Variants in HP observed in about 807,000 individuals in gnomAD.
HP encodes the protein haptoglobin alpha(1S)-beta.
In HP, 9 loss-of-function variants were observed where a neutral mutation model predicts 23.2. The ratio of observed to expected loss-of-function variants is 0.39; its 90% confidence interval spans 0.23 to 0.68. The LOEUF is 0.68. Among genes scored for constraint, HP ranks in the 30% least tolerant of loss-of-function variants. HP has a pLI of 0.47. For missense variants in HP, 433 were observed against 483.6 expected (o/e 0.90, Z 0.98); for synonymous variants, 155 against 183.3 (o/e 0.85, Z 1.25).
chr16:72,059,616 C>A, intron 6 of HP: 1 of 259,650 alleles, frequency 3.9e-6, no homozygotes, highest in East Asian at 9.1e-5. Context: ...TCCTTTCATT[C>A]TCAGAACAAG....
chr16:72,055,711 A>G (rs1193114396), intron 1 of HP: 1 of 244,760 alleles, frequency 4.1e-6, no homozygotes, highest in South Asian at 5.6e-5. Context: ...GTAGAGGAAT[A>G]GCACAGTAAG....
At chr16:72,055,669 A>G (rs549266545) in intron 1 of HP, 150 of 193,720 alleles carry the variant, frequency 7.7e-4, no homozygotes, top group African/African-American at 3.0e-3. Context: ...TTATATATTT[A>G]AGGAACCTTT....
chr16:72,059,759 T>A, intron 6 of HP: 1 of 394,010 alleles, frequency 2.5e-6, no homozygotes, highest in Admixed American at 4.2e-5. Flanking sequence ...AGAGAATGAA[T>A]TATTGTAGCC....
At chr16:72,059,568 ACTC>A (rs2041507430) in intron 6 of HP, 1 of 261,090 alleles carries the variant, frequency 3.8e-6, no homozygotes. Flanking sequence ...ATGGGCTGGA[ACTC>A]CTGCTTCTCG....
Position 72,057,431 on chromosome 16 carries a change from A to G in HP, c.230A>G (p.Lys77Arg). Residue 77 changes from lysine to arginine, a missense_variant, in exon 4 of 7, where the codon AAG (lysine) becomes AGG (arginine). Physicochemically the swap from Lys to Arg is conservative, Grantham distance 26. This residue lies in a region of HP where 36 missense variants were observed against 71.3 expected (regional missense o/e 0.50). Coordinates refer to ENST00000355906, the MANE Select transcript of HP (RefSeq NM_005143.5). The stretch of plus-strand genomic sequence containing the variant: ...AATGATAAGAAGCAGTGGATAAATA[A>G]GGCTGTTGGAGATAAACTTCCTGAA... ...TLNDKKQWIN[K>R]AVGDKLPECE... 2 of 1,135,994 alleles carry G rather than the reference A, an allele frequency of 1.8e-6. No homozygotes were observed. Among genetic ancestry groups the G allele is most frequent in the East Asian group, 5.5e-5 (2 of 36,128 alleles). The allele number at this position is 1,135,994 out of a possible 1,614,324, so 70.4% of individuals were successfully genotyped here. A position where few individuals can be genotyped will look rare whatever the true frequency, so the allele number is the denominator to read the frequency against.
chr16:72,060,533 CA>C lies in HP; in HGVS notation c.866del (p.Asn289IlefsTer8). On this transcript the variant is annotated frameshift_variant, in exon 7 of 7. Coordinates refer to ENST00000355906, the MANE Select transcript of HP (RefSeq NM_005143.5). LOFTEE classifies it high-confidence loss of function. ...ATGTTTCTGGCTGGGGGCGAAATGC[CA>C]ATTTTAAATTTACTGACCATCTGAA... The part of the protein sequence containing the change: ...GYVSGWGRNA[N>X]FKFTDHLKYV... 1 of 1,614,094 alleles carries C rather than the reference CA, an allele frequency of 6.2e-7. No individual in the cohort carries two copies. Among genetic ancestry groups the C allele is most frequent in the Non-Finnish European group, 8.5e-7 (1 of 1,180,030 alleles).
At chr16:72,055,993 G>A (rs2041452896) in intron 1 of HP, 168 bp from the exon 2 acceptor site, 1 of 1,227,044 alleles carries the variant, frequency 8.1e-7, no homozygotes, top group African/African-American at 1.5e-5. Context: ...CAATTTCTTG[G>A]TCCTAGCACT....
At position 72,060,780 on chromosome 16, in the gene HP, G is replaced by T. The variant is rs376612221; in HGVS notation, c.1111G>T (p.Ala371Ser). Residue 371 changes from alanine (A) to serine (S), a missense_variant, in exon 7 of 7, where the codon GCG (alanine) becomes TCG (serine). Ala to Ser is a moderately conservative substitution (Grantham distance 99, BLOSUM62 1). Transcript: ENST00000355906. ...VHDLEEDTWY[A>S]TGILSFDKSC... ...CGACCTGGAGGAGGACACCTGGTAT[G>T]CGACTGGGATCTTAAGCTTTGATAA... 6.6e-5 allele frequency: 106 copies of T among 1,614,090 alleles called. No homozygotes were observed. The highest frequency in any genetic ancestry group is 8.5e-5 in the Non-Finnish European group (100 of 1,180,044).
Position 72,058,984 on chromosome 16 carries a change from C to A in HP, c.368-130C>A, listed in dbSNP as rs528619839. The A allele has an allele frequency of 7.8e-6, 8 of 1,025,704 alleles. 1 individual carries two copies. Among genetic ancestry groups the A allele is most frequent in the South Asian group, 6.9e-5 (5 of 72,722 alleles). 63.5% of individuals were successfully genotyped at this position (1,025,704 alleles called of 1,614,324 possible). On this transcript the variant is annotated intron_variant, in intron 5 of 6. Transcript: ENST00000355906. ...TTTCCCTTCCTCCTTCTCATATACT[C>A]TCTCCTTTTCCCCTTCCTTTTTGTC...
rs776293041 is a variant in HP at position 72,060,451 on chromosome 16, G to A, written c.782G>A (p.Arg261Lys). ...AAACAGAAGGTGTCTGTTAATGAGA[G>A]AGTGATGCCCATCTGCCTACCTTCA... Reference protein sequence around the residue: ...KLKQKVSVNERVMPICLPSKD... With the variant: ...KLKQKVSVNEKVMPICLPSKD... The change falls in exon 7 of 7, where the codon AGA becomes AAA. Residue 261 changes from arginine to lysine, a missense_variant. Physicochemically the swap from Arg to Lys is conservative, Grantham distance 26. This residue lies in a region of HP where 326 missense variants were observed against 358.1 expected (regional missense o/e 0.91). Transcript: ENST00000355906. 1.2e-6 allele frequency: 2 copies of A among 1,614,200 alleles called. No individual in the cohort carries two copies. Among genetic ancestry groups the A allele is most frequent in the Non-Finnish European group, 8.5e-7 (1 of 1,180,034 alleles).
intron 1 of HP, chr16:72,054,978 T>C (rs1366562400): frequency 7.5e-6 from 4 of 530,670 alleles, no homozygotes; most frequent in African/African-American, 5.7e-5. Context: ...GATATTTTCC[T>C]CTTTAAAAAT....
rs1190393231 is a variant in HP at position 72,056,847 on chromosome 16, C to T, written c.190+216C>T. Reference sequence around the variant, plus strand: ...AGTTTTCTGTTTTGTTAAGGGGAGGCGATGCCATGCAGCCTACCTCATGTA... The same window carrying T: ...AGTTTTCTGTTTTGTTAAGGGGAGGTGATGCCATGCAGCCTACCTCATGTA... On this transcript the variant is annotated intron_variant, in intron 3 of 6. Transcript: ENST00000355906. 26 of 379,796 alleles carry T rather than the reference C, an allele frequency of 6.8e-5. 1 individual carries two copies. Among genetic ancestry groups the T allele is most frequent in the South Asian group, 1.2e-4 (5 of 43,266 alleles). 23.5% of individuals were successfully genotyped at this position (379,796 alleles called of 1,614,324 possible). A position where few individuals can be genotyped will look rare whatever the true frequency, so the allele number is the denominator to read the frequency against.
In HP at chr16:72,061,046, T is replaced by G; in HGVS notation, c.*156T>G. The G allele has an allele frequency of 1.3e-6, 1 of 781,596 alleles. No homozygotes were observed. The highest frequency in any genetic ancestry group is 2.1e-5 in the South Asian group (1 of 47,110). 48.4% of individuals were successfully genotyped at this position (781,596 alleles called of 1,614,324 possible). A position where few individuals can be genotyped will look rare whatever the true frequency, so the allele number is the denominator to read the frequency against. On this transcript the variant is annotated 3_prime_UTR_variant, in exon 7 of 7. Coordinates refer to ENST00000355906, the MANE Select transcript of HP (RefSeq NM_005143.5). ...CTGAGTCAATCAATAAAGAGCTTTCTTTTGACCCATTTCTGTGTTGTGTTC... is the reference window on the plus strand; with the variant it reads ...CTGAGTCAATCAATAAAGAGCTTTCGTTTGACCCATTTCTGTGTTGTGTTC...
rs1287068480 is a variant in HP at position 72,056,597 on chromosome 16, T to TA, written c.158dup (p.Asn54GlufsTer17). The stretch of plus-strand genomic sequence containing the variant: ...TGGAGCACTCGGTTCGCTACCAGTG[T>TA]AAGAACTACTACAAACTGCGCACAG... On this transcript the variant is annotated frameshift_variant, in exon 3 of 7. Coordinates refer to ENST00000355906, the MANE Select transcript of HP (RefSeq NM_005143.5). LOFTEE classifies it high-confidence loss of function. 1.5e-6 allele frequency: 2 copies of TA among 1,323,112 alleles called. No homozygotes were observed. The highest frequency in any genetic ancestry group is 2.1e-5 in the Admixed American group (1 of 47,184). 82.0% of individuals were successfully genotyped at this position (1,323,112 alleles called of 1,614,324 possible).
Position 72,059,157 on chromosome 16 carries a change from T to C in HP, c.411T>C (p.Ala137=). 2 of 1,565,584 alleles carry C rather than the reference T, an allele frequency of 1.3e-6. No individual in the cohort carries two copies. Among genetic ancestry groups the C allele is most frequent in the Non-Finnish European group, 1.7e-6 (2 of 1,149,074 alleles). ...LNNEKQWINK[A]VGDKLPECEA... Reference sequence around the variant, plus strand: ...ATGAGAAGCAGTGGATAAATAAGGCTGTTGGAGATAAACTTCCTGAATGTG... The same window carrying C: ...ATGAGAAGCAGTGGATAAATAAGGCCGTTGGAGATAAACTTCCTGAATGTG... The change falls in exon 6 of 7, where the codon GCT becomes GCC. Residue 137 remains alanine, a synonymous_variant. Transcript: ENST00000355906.
intron 1 of HP, chr16:72,055,034 A>G (rs1289499575): frequency 5.0e-6 from 2 of 399,792 alleles, no homozygotes; most frequent in African/African-American, 4.0e-5. Flanking sequence ...TGACACAATT[A>G]ATTGACTAGT....
rs1174051842 is a variant in HP at position 72,059,033 on chromosome 16, C to A, written c.368-81C>A. ...TCCCCTTTTCCTCTTCCTTTTAGTT[C>A]TTCTCTTTAAATGCCTTCTCACTCT... On this transcript the variant is annotated intron_variant, in intron 5 of 6. Coordinates refer to ENST00000355906, the MANE Select transcript of HP (RefSeq NM_005143.5). The A allele has an allele frequency of 4.4e-5, 60 of 1,368,958 alleles. 13 individuals are homozygous for A. The African/African-American group carries it at 9.4e-4, about 21-fold the overall frequency. 84.8% of individuals were successfully genotyped at this position (1,368,958 alleles called of 1,614,324 possible).
Position 72,059,305 on chromosome 16 carries a change from G to C in HP, c.442+117G>C, listed in dbSNP as rs535631056. On this transcript the variant is annotated intron_variant, in intron 6 of 6. Coordinates refer to ENST00000355906, the MANE Select transcript of HP (RefSeq NM_005143.5). ...AAGAGCCAGGAGGAGGGATGTGGGA[G>C]AACCGCAGCTGGCCAGGGAGAGACT... is the stretch of plus-strand genomic sequence containing the variant. The C allele has an allele frequency of 9.4e-6, 13 of 1,386,586 alleles. No homozygotes were observed. The South Asian group carries it at 1.2e-4, about 13-fold the overall frequency. 85.9% of individuals were successfully genotyped at this position (1,386,586 alleles called of 1,614,324 possible).
intron 6 of HP, chr16:72,059,732 G>A: frequency 2.8e-6 from 1 of 350,888 alleles, no homozygotes; most frequent in South Asian, 3.3e-5. Context: ...TGCTGCTCTA[G>A]ATTCATCTTT....
Sources: allele counts gnomAD v4.1 joint callset, GRCh38; gene constraint gnomAD v4.1.1; regional missense constraint gnomAD v4.1.1; transcripts MANE v1.5; gene names NCBI Gene and HGNC (gene_info 2026-07-23, HGNC 2026-07-21).